Variants in FOXP2 observed in about 807,000 individuals in gnomAD.
FOXP2 encodes the protein forkhead box P2, also known as forkhead box protein P2.
Under a neutral mutation model 115.8 loss-of-function variants are expected in FOXP2, and 12 were observed. That is an observed-to-expected ratio of 0.10 (90% CI 0.07 to 0.17). The LOEUF is 0.17. Ranked by LOEUF, FOXP2 falls within the 10% of genes least tolerant of loss-of-function variation. The pLI is 1.00. For synonymous variants in FOXP2, 328 were observed against 297.7 expected (o/e 1.10, Z -1.05); for missense variants, 629 against 843.5 (o/e 0.75, Z 3.15).
chr7:114,172,332 TG>T (rs1793168718), intron 1 of FOXP2, among the ~76,000 whole-genome samples: 3 of 152,094 alleles, frequency 2.0e-5, no homozygotes, highest in Non-Finnish European at 4.4e-5. Context: ...AACTTATCAG[TG>T]GTTGCCAGGA....
In FOXP2 at chr7:114,690,918, A is replaced by G. The variant is rs760901080; in HGVS notation, c.*992A>G. 2.2e-6 allele frequency: 1 copy of G among 454,518 alleles called. No individual in the cohort carries two copies. Among genetic ancestry groups the G allele is most frequent in the South Asian group, 1.6e-5 (1 of 64,476 alleles). The allele number at this position is 454,518 out of a possible 1,614,324, so 28.2% of individuals were successfully genotyped here. ...TTTAGCCCTAAACAAAGAAACAAAT[A>G]TGACAAAAACCACAACTAAAAAATG... On this transcript the variant is annotated 3_prime_UTR_variant, in exon 17 of 17. Transcript: ENST00000350908.
intron 1 of FOXP2, among the ~76,000 whole-genome samples, chr7:114,112,568 G>A (rs1358674533): frequency 2.0e-5 from 3 of 152,052 alleles, no homozygotes; most frequent in Admixed American, 6.6e-5. Flanking sequence ...CCAAAGTGCT[G>A]GGATTACAGG....
intron 2 of FOXP2, among the ~76,000 whole-genome samples, chr7:114,458,942 G>C (rs1470179217): frequency 6.6e-6 from 1 of 152,080 alleles, no homozygotes; most frequent in Non-Finnish European, 1.5e-5. Context: ...CTAGTAATAG[G>C]CTGAGGTCAC....
intron 1 of FOXP2, among the ~76,000 whole-genome samples, chr7:114,131,534 G>A (rs1791877393): frequency 6.6e-6 from 1 of 151,268 alleles, no homozygotes. Flanking sequence ...TACATTAGTC[G>A]AGCCTGCTGC....
chr7:114,392,764 T>C (rs902631796), intron 2 of FOXP2, among the ~76,000 whole-genome samples: 1 of 152,198 alleles, frequency 6.6e-6, no homozygotes, highest in African/African-American at 2.4e-5. Context: ...ATTTGTATCC[T>C]AGTATTCCCA....
chr7:114,238,835 T>C (rs1475964805), intron 1 of FOXP2, among the ~76,000 whole-genome samples: 1 of 151,632 alleles, frequency 6.6e-6, no homozygotes, highest in African/African-American at 2.4e-5. Flanking sequence ...TAATAATATA[T>C]TCTTAGTAAA....
intron 1 of FOXP2, among the ~76,000 whole-genome samples, chr7:114,256,768 T>G (rs944976317): frequency 6.6e-6 from 1 of 152,196 alleles, no homozygotes; most frequent in African/African-American, 2.4e-5. Flanking sequence ...CAAGGGGAAC[T>G]ATAAACTCTG....
intron 1 of FOXP2, among the ~76,000 whole-genome samples, chr7:114,255,380 C>G (rs1319118016): frequency 6.6e-6 from 1 of 152,196 alleles, no homozygotes; most frequent in Admixed American, 6.5e-5. Context: ...CTATGCCCTG[C>G]CATCAGAGGT....
chr7:114,475,477 C>A (rs1584781323), intron 2 of FOXP2, among the ~76,000 whole-genome samples: 1 of 151,884 alleles, frequency 6.6e-6, no homozygotes, highest in Admixed American at 6.6e-5. Flanking sequence ...TTATATGGGG[C>A]CCCTTTGCGT....
At chr7:114,481,500 C>G (rs1273949930) in intron 2 of FOXP2, among the ~76,000 whole-genome samples, 1 of 151,238 alleles carries the variant, frequency 6.6e-6, no homozygotes, top group African/African-American at 2.4e-5. Context: ...GTTAAAATAG[C>G]TTCTGCTAGA....
intron 2 of FOXP2, among the ~76,000 whole-genome samples, chr7:114,350,806 C>A (rs1444484085): frequency 6.6e-6 from 1 of 152,086 alleles, no homozygotes; most frequent in Non-Finnish European, 1.5e-5. Context: ...TTTCTTTTTA[C>A]AATTGACCTT....
intron 2 of FOXP2, among the ~76,000 whole-genome samples, chr7:114,459,558 T>G (rs1394589334): frequency 1.3e-5 from 2 of 152,228 alleles, no homozygotes; most frequent in African/African-American, 4.8e-5. Flanking sequence ...TTCACTCAGT[T>G]GTCCACAGTA....
At chr7:114,679,694 T>C (rs1224544882) in intron 16 of FOXP2, among the ~76,000 whole-genome samples, 1 of 152,046 alleles carries the variant, frequency 6.6e-6, no homozygotes, top group Admixed American at 6.6e-5. Context: ...TTTTCCCTAT[T>C]TCTACTTGGA....
chr7:114,272,577 G>T (rs868587910), intron 1 of FOXP2, among the ~76,000 whole-genome samples: 1 of 151,730 alleles, frequency 6.6e-6, no homozygotes, highest in Non-Finnish European at 1.5e-5. Flanking sequence ...GGCCTATTCT[G>T]GTTATTTATT....
chr7:114,550,864 AT>A (rs1238959764), intron 3 of FOXP2, among the ~76,000 whole-genome samples: 1 of 152,196 alleles, frequency 6.6e-6, no homozygotes, highest in Non-Finnish European at 1.5e-5. Flanking sequence ...AGTAAGCAAT[AT>A]TTTTTGAGAA....
At chr7:114,336,347 C>G (rs1276868423) in intron 2 of FOXP2, among the ~76,000 whole-genome samples, 2 of 151,196 alleles carry the variant, frequency 1.3e-5, no homozygotes, top group African/African-American at 4.8e-5. Flanking sequence ...TTAACGACAT[C>G]CCCAAAATCT....
intron 3 of FOXP2, among the ~76,000 whole-genome samples, chr7:114,577,321 T>G (rs549610607): frequency 1.3e-5 from 2 of 152,076 alleles, no homozygotes; most frequent in South Asian, 4.1e-4. Context: ...AGCTACATGC[T>G]GTACTTTAAC....
intron 2 of FOXP2, among the ~76,000 whole-genome samples, chr7:114,382,261 C>A (rs1171522577): frequency 2.6e-5 from 4 of 152,158 alleles, no homozygotes; most frequent in Non-Finnish European, 2.9e-5. Flanking sequence ...ACCCTTCTGA[C>A]CCTCAATGGT....
At chr7:114,590,919 G>T (rs1372993244) in intron 3 of FOXP2, among the ~76,000 whole-genome samples, 2 of 151,900 alleles carry the variant, frequency 1.3e-5, no homozygotes, top group Non-Finnish European at 2.9e-5. Flanking sequence ...ACTTTTTCTG[G>T]GGAAGGCAGA....
Sources: allele counts gnomAD v4.1 joint callset (sites outside exome capture counted in the v4.1 genomes callset), GRCh38; gene constraint gnomAD v4.1.1; transcripts MANE v1.5; gene names NCBI Gene and HGNC (gene_info 2026-07-23, HGNC 2026-07-21).